The following DOK3 variants were observed in gnomAD, a reference collection of about 807,000 sequenced individuals.
DOK3 encodes the protein docking protein 3.
A neutral mutation model predicts 26.2 loss-of-function variants in DOK3; 23 were observed. The observed-to-expected ratio is 0.88, with a 90% CI of 0.63 to 1.24. The LOEUF (loss-of-function observed/expected upper bound fraction) is 1.24, where lower values mean the gene tolerates loss of function less well. Ranked by LOEUF, DOK3 falls within the 50% of genes most tolerant of loss-of-function variation. DOK3 has a pLI of 0.00. For missense variants in DOK3, 619 were observed against 610.6 expected (o/e 1.01, Z -0.15); for synonymous variants, 268 against 268.2 (o/e 1.00, Z 0.01).
At chr5:177,509,306 G>T in intron 2 of DOK3, 169 bp downstream of exon 2, 1 of 824,522 alleles carries the variant, frequency 1.2e-6, no homozygotes, top group Non-Finnish European at 1.8e-6. Context: ...TGCCGTCTCA[G>T]GCTGACACCC....
chr5:177,509,645 C>A lies in DOK3; in HGVS notation c.-105G>T, dbSNP rs41275297. On this transcript the variant is annotated 5_prime_UTR_variant, in exon 2 of 6. Transcript: ENST00000510898. ...CCCTTCTGGCCACTTCCCGTCCCTC[C>A]GTCTAGAGACAGCTGCAGGCCGGGG... 3.2e-6 allele frequency: 5 copies of A among 1,586,384 alleles called. No individual in the cohort carries two copies. In the South Asian group the frequency reaches 3.4e-5, roughly 11 times the overall value.
At chr5:177,508,685 C>G in intron 2 of DOK3, 143 bp from the exon 3 acceptor site, 2 of 942,774 alleles carry the variant, frequency 2.1e-6, no homozygotes, top group Non-Finnish European at 3.0e-6. Flanking sequence ...GGTAAGGAGG[C>G]CTTGGCTATG....
chr5:177,508,610 CA>C, intron 2 of DOK3, 68 bp from the exon 3 acceptor site: 1 of 1,428,876 alleles, frequency 7.0e-7, no homozygotes, highest in Non-Finnish European at 9.3e-7. Flanking sequence ...TGGCTCAGCA[CA>C]AGCTGCTCGG....
chr5:177,508,497 A>G lies in DOK3; in HGVS notation c.112T>C (p.Ser38Pro). ...CAGCTCTCCAGCCGTGCCACGCCTGATGGGCCTCCTGCATACAGCAGAGCC... is the reference window on the plus strand; with the variant it reads ...CAGCTCTCCAGCCGTGCCACGCCTGGTGGGCCTCCTGCATACAGCAGAGCC... Reference protein sequence around the residue: ...VWALLYAGGPSGVARLESWEV... With the variant: ...VWALLYAGGPPGVARLESWEV... The change falls in exon 3 of 6, where the codon TCA becomes CCA. Residue 38 changes from serine to proline, a missense_variant. Physicochemically the swap from Ser to Pro is moderately conservative, Grantham distance 74. Coordinates refer to ENST00000510898, the MANE Select transcript of DOK3 (RefSeq NM_001308236.3). 2 of 1,588,104 alleles carry G rather than the reference A, an allele frequency of 1.3e-6. No individual in the cohort carries two copies. Among genetic ancestry groups the G allele is most frequent in the African/African-American group, 1.3e-5 (1 of 74,650 alleles).
In DOK3 at chr5:177,503,540, G is replaced by A; in HGVS notation, c.*443C>T. On this transcript the variant is annotated 3_prime_UTR_variant, in exon 6 of 6. Coordinates refer to ENST00000510898, the MANE Select transcript of DOK3 (RefSeq NM_001308236.3). ...GGGCCCTCATGTTGCTCCTTCCTGA[G>A]TCTGACAAGTAAGCCTCACAGCTCC... 3 of 1,409,728 alleles carry A rather than the reference G, an allele frequency of 2.1e-6. No individual in the cohort carries two copies. The highest frequency in any genetic ancestry group is 2.8e-6 in the Non-Finnish European group (3 of 1,076,978). 87.3% of individuals were successfully genotyped at this position (1,409,728 alleles called of 1,614,324 possible).
rs896288286 is a variant in DOK3 at position 177,503,570 on chromosome 5, G to A, written c.*413C>T. The stretch of plus-strand genomic sequence containing the variant: ...ACAAGTAAGCCTCACAGCTCCCTCC[G>A]CCTGCCTCTTCGTGTCACTCGGCCG... On this transcript the variant is annotated 3_prime_UTR_variant, in exon 6 of 6. Transcript: ENST00000510898. The A allele has an allele frequency of 1.6e-5, 21 of 1,323,482 alleles. No individual in the cohort carries two copies. Among genetic ancestry groups the A allele is most frequent in the Middle Eastern group, 2.7e-4 (1 of 3,660 alleles). The allele number at this position is 1,323,482 out of a possible 1,614,324, so 82.0% of individuals were successfully genotyped here.
chr5:177,507,511 G>C (rs1419042292), intron 3 of DOK3, among the ~76,000 whole-genome samples: 1 of 151,992 alleles, frequency 6.6e-6, no homozygotes, highest in Non-Finnish European at 1.5e-5. Context: ...CTGGAGTGAA[G>C]TGGCACGATT....
chr5:177,504,835 C>T lies in DOK3; in HGVS notation c.553G>A (p.Gly185Ser), dbSNP rs767256922. 2 of 1,613,350 alleles carry T rather than the reference C, an allele frequency of 1.2e-6. No individual in the cohort carries two copies. ...QLKGPALLVLGPDAIQLREAK... is the reference protein window; with the variant it reads ...QLKGPALLVLSPDAIQLREAK... ...TCCCTCAGCTGGATGGCGTCTGGGCCCAGCACCAGCAGGGCCGGCCCCTTC... is the reference window on the plus strand; with the variant it reads ...TCCCTCAGCTGGATGGCGTCTGGGCTCAGCACCAGCAGGGCCGGCCCCTTC... The change falls in exon 5 of 6, where the codon GGC becomes AGC. Residue 185 changes from glycine (G) to serine (S), a missense_variant. By Grantham distance (56) the Gly-to-Ser change is moderately conservative (BLOSUM62 0). Transcript: ENST00000510898.
At chr5:177,505,180 C>T in intron 3 of DOK3, 70 bp from the exon 4 acceptor site, 2 of 1,393,328 alleles carry the variant, frequency 1.4e-6, no homozygotes, top group Non-Finnish European at 9.7e-7. Context: ...CCTCAGTATC[C>T]CAGAACTCCA....
chr5:177,506,890 T>C (rs1384491900), intron 3 of DOK3, among the ~76,000 whole-genome samples: 2 of 151,496 alleles, frequency 1.3e-5, no homozygotes, highest in African/African-American at 2.4e-5. Flanking sequence ...GGTTTCTCCA[T>C]GTTGAGGCTG....
upstream of DOK3, chr5:177,510,547 A>G (rs1278834110): frequency 2.0e-5 from 3 of 152,478 alleles, no homozygotes; most frequent in African/African-American, 7.2e-5. Context: ...GTATACCTTT[A>G]TTCTGGAACA....
In DOK3 at chr5:177,509,469, C is replaced by A; in HGVS notation, c.66+6G>T. 5 of 1,605,824 alleles carry A rather than the reference C, an allele frequency of 3.1e-6. No homozygotes were observed. The highest frequency in any genetic ancestry group is 4.3e-6 in the Non-Finnish European group (5 of 1,175,874). On this transcript the variant is annotated splice_donor_region_variant and intron_variant, in intron 2 of 5. Transcript: ENST00000510898. Reference sequence around the variant, plus strand: ...TGGCAGCTGCCTGGCAGCCAGGGGTCCCCACCTTGCCAAACTTGACATGCT... The same window carrying A: ...TGGCAGCTGCCTGGCAGCCAGGGGTACCCACCTTGCCAAACTTGACATGCT...
chr5:177,509,873 T>C (rs1561726197), upstream of DOK3: 2 of 1,608,642 alleles, frequency 1.2e-6, no homozygotes, highest in South Asian at 1.1e-5. Flanking sequence ...CCCTCCCCCG[T>C]CCCGCCCCGG....
chr5:177,508,159 G>C (rs910562816), intron 3 of DOK3, 78 bp downstream of exon 3: 23 of 1,383,126 alleles, frequency 1.7e-5, no homozygotes, highest in Admixed American at 2.9e-5. Context: ...CTTGCTGGGT[G>C]ATGGGATGTG....
Position 177,503,109 on chromosome 5 carries a change from C to T in DOK3, c.*874G>A, listed in dbSNP as rs1238232665. The T allele has an allele frequency of 4.5e-6, 7 of 1,551,140 alleles. No individual in the cohort carries two copies. The highest frequency in any genetic ancestry group is 6.1e-6 in the Non-Finnish European group (7 of 1,146,732). Reference sequence around the variant, plus strand: ...GCGGTGAGGGGCTGGGCAGTCAGAGCCCTGGAGGCATGACGCTTGCGTGCG... The same window carrying T: ...GCGGTGAGGGGCTGGGCAGTCAGAGTCCTGGAGGCATGACGCTTGCGTGCG... On this transcript the variant is annotated 3_prime_UTR_variant, in exon 6 of 6. Coordinates refer to ENST00000510898, the MANE Select transcript of DOK3 (RefSeq NM_001308236.3).
At position 177,503,478 on chromosome 5, in the gene DOK3, C is replaced by G. The variant is rs1759577563; in HGVS notation, c.*505G>C. 2 of 1,457,106 alleles carry G rather than the reference C, an allele frequency of 1.4e-6. No individual in the cohort carries two copies. Among genetic ancestry groups the G allele is most frequent in the Non-Finnish European group, 9.1e-7 (1 of 1,101,466 alleles). 90.3% of individuals were successfully genotyped at this position (1,457,106 alleles called of 1,614,324 possible). On this transcript the variant is annotated 3_prime_UTR_variant, in exon 6 of 6. Transcript: ENST00000510898. ...CCCTTCCACCTGCACCCCGCCCCCACTGCCTCCTCCCAGCTCGGGCCTCCG... is the reference window on the plus strand; with the variant it reads ...CCCTTCCACCTGCACCCCGCCCCCAGTGCCTCCTCCCAGCTCGGGCCTCCG...
At chr5:177,510,727 C>G (rs1470110894), upstream of DOK3, 1 of 152,282 alleles carries the variant, frequency 6.6e-6, no homozygotes, top group Non-Finnish European at 1.5e-5. Context: ...GACGCCACAT[C>G]CTTTGCGTTC....
upstream of DOK3, chr5:177,510,007 TTC>T: frequency 1.1e-6 from 1 of 943,046 alleles, no homozygotes; most frequent in Non-Finnish European, 1.6e-6. Context: ...CTTGCTGCTT[TTC>T]TTTCTCCCTG....
At chr5:177,506,680 CTTTTCT>C (rs1253687265) in intron 3 of DOK3, among the ~76,000 whole-genome samples, 4 of 115,396 alleles carry the variant, frequency 3.5e-5, no homozygotes, top group Admixed American at 1.1e-4. Context: ...TCTTTTTTTT[CTTTTCT>C]TTTTTTTTTT....
Sources: allele counts gnomAD v4.1 joint callset (sites outside exome capture counted in the v4.1 genomes callset), GRCh38; gene constraint gnomAD v4.1.1; transcripts MANE v1.5; gene names NCBI Gene and HGNC (gene_info 2026-07-23, HGNC 2026-07-21).